The following RCSD1 variants were observed in gnomAD, a reference collection of about 807,000 sequenced individuals.
RCSD1 encodes the protein RCSD domain containing 1.
In RCSD1, 26 loss-of-function variants were observed where a neutral mutation model predicts 42.5. That is an observed-to-expected ratio of 0.61 (90% CI 0.45 to 0.85). RCSD1 has a LOEUF of 0.85. RCSD1 is among the 40% of genes least tolerant of loss of function. The probability of loss-of-function intolerance (pLI) is 0.00; values close to 1 mark genes in which losing one functional copy is unlikely to be tolerated. For missense variants in RCSD1, 571 were observed against 528.3 expected, an observed-to-expected ratio of 1.08 and a Z score of -0.79; for synonymous variants, 220 against 212.2, an observed-to-expected ratio of 1.04 and a Z score of -0.32.
At chr1:167,671,675 C>G (rs1057471902) in intron 1 of RCSD1, among the ~76,000 whole-genome samples, 1 of 152,300 alleles carries the variant, frequency 6.6e-6, no homozygotes, top group South Asian at 2.1e-4. Context: ...TCCTGAAGAC[C>G]ACTCCTGAAC....
intron 1 of RCSD1, among the ~76,000 whole-genome samples, chr1:167,669,363 A>C (rs1658747456): frequency 6.6e-6 from 1 of 152,226 alleles, no homozygotes; most frequent in African/African-American, 2.4e-5. Context: ...TGGCCTCCAC[A>C]GGACAAGCCC....
At position 167,704,766 on chromosome 1, in the gene RCSD1, TAGC is replaced by T; in HGVS notation, c.*79_*81del. The T allele has an allele frequency of 2.0e-6, 3 of 1,491,632 alleles. No individual in the cohort carries two copies. The highest frequency in any genetic ancestry group is 9.3e-7 in the Non-Finnish European group (1 of 1,072,696). 92.4% of individuals were successfully genotyped at this position (1,491,632 alleles called of 1,614,324 possible). A position where few individuals can be genotyped will look rare whatever the true frequency, so the allele number is the denominator to read the frequency against. On this transcript the variant is annotated 3_prime_UTR_variant, in exon 7 of 7. Coordinates refer to ENST00000367854, the MANE Select transcript of RCSD1 (RefSeq NM_052862.4). ...TCTTTGCAGGTAGCAGCAACAGTTG[TAGC>T]AGCAGCAGACGAAGCCATTGCAGAG...
At chr1:167,651,695 T>C (rs893597317) in intron 1 of RCSD1, among the ~76,000 whole-genome samples, 12 of 152,184 alleles carry the variant, frequency 7.9e-5, no homozygotes, top group African/African-American at 2.9e-4. Context: ...GTAATTTTGT[T>C]CCTGTTGAGC....
At chr1:167,644,888 C>T (rs1658095713) in intron 1 of RCSD1, among the ~76,000 whole-genome samples, 1 of 152,218 alleles carries the variant, frequency 6.6e-6, no homozygotes, top group African/African-American at 2.4e-5. Context: ...CTTTCCTATG[C>T]CAATAAGGGT....
intron 1 of RCSD1, among the ~76,000 whole-genome samples, chr1:167,648,826 C>T (rs1341995640): frequency 6.6e-6 from 1 of 152,150 alleles, no homozygotes; most frequent in Admixed American, 6.5e-5. Flanking sequence ...TCTAGGAAAT[C>T]CCTTGAAGTC....
At chr1:167,701,941 C>T (rs76446630) in intron 6 of RCSD1, among the ~76,000 whole-genome samples, 235 of 152,314 alleles carry the variant, frequency 1.5e-3, no homozygotes, top group African/African-American at 5.4e-3. Flanking sequence ...CCTGGATCCC[C>T]CAGAGGCAGC....
chr1:167,657,805 C>G (rs1450267195), intron 1 of RCSD1, among the ~76,000 whole-genome samples: 2 of 152,020 alleles, frequency 1.3e-5, no homozygotes, highest in Non-Finnish European at 2.9e-5. Flanking sequence ...TTGATGTTTT[C>G]CATATTATAT....
intron 1 of RCSD1, among the ~76,000 whole-genome samples, chr1:167,654,925 G>A (rs1273206202): frequency 6.6e-6 from 1 of 152,060 alleles, no homozygotes; most frequent in African/African-American, 2.4e-5. Flanking sequence ...TTACCTGATT[G>A]CCATCCCCAA....
intron 4 of RCSD1, among the ~76,000 whole-genome samples, chr1:167,690,910 C>T (rs930223017): frequency 3.3e-5 from 5 of 152,170 alleles, no homozygotes; most frequent in Non-Finnish European, 4.4e-5. Flanking sequence ...GAGCCCTCAC[C>T]TCCCGTGCCC....
intron 1 of RCSD1, among the ~76,000 whole-genome samples, chr1:167,636,310 C>T (rs935338890): frequency 6.6e-6 from 1 of 152,178 alleles, no homozygotes; most frequent in Non-Finnish European, 1.5e-5. Flanking sequence ...GCCATTAGAG[C>T]CTATCCTTAA....
intron 1 of RCSD1, among the ~76,000 whole-genome samples, chr1:167,671,127 C>A (rs1055149444): frequency 6.6e-6 from 1 of 152,176 alleles, no homozygotes; most frequent in Non-Finnish European, 1.5e-5. Flanking sequence ...GAATCCCTAG[C>A]GCCTGGCCTA....
chr1:167,686,027 T>G (rs563993644), intron 3 of RCSD1, among the ~76,000 whole-genome samples: 30 of 152,312 alleles, frequency 2.0e-4, no homozygotes, highest in African/African-American at 7.2e-4. Context: ...CTCGTTGCCC[T>G]CAGATATAAA....
intron 1 of RCSD1, chr1:167,663,438 A>T (rs1658583410): frequency 6.6e-6 from 1 of 152,410 alleles, no homozygotes; most frequent in South Asian, 2.1e-4. Flanking sequence ...TGCAGAAGCC[A>T]CAAGCAGTCT....
rs777436415 is a variant in RCSD1 at position 167,630,442 on chromosome 1, G to C, written c.6+13G>C. 6.5e-7 allele frequency: 1 copy of C among 1,539,018 alleles called. No individual in the cohort carries two copies. The highest frequency in any genetic ancestry group is 8.8e-7 in the Non-Finnish European group (1 of 1,140,892). On this transcript the variant is annotated intron_variant, in intron 1 of 6. Transcript: ENST00000367854. The stretch of plus-strand genomic sequence containing the variant: ...GAAGGACATGGAGGTAAAGGACCCC[G>C]GAGGGAGACGCGGGGCTGAGCGGTG...
Position 167,704,896 on chromosome 1 carries a change from G to A in RCSD1, c.*200G>A. ...CCTTGCAGATGGAGACTGAATCTGA[G>A]GGCAGCAGACTTTTATCAGCTTGAG... is the stretch of plus-strand genomic sequence containing the variant. On this transcript the variant is annotated 3_prime_UTR_variant, in exon 7 of 7. Transcript: ENST00000367854. The A allele has an allele frequency of 1.8e-6, 1 of 547,084 alleles. No homozygotes were observed. Among genetic ancestry groups the A allele is most frequent in the Non-Finnish European group, 3.3e-6 (1 of 301,362 alleles). The allele number at this position is 547,084 out of a possible 1,614,324, so 33.9% of individuals were successfully genotyped here.
At chr1:167,644,019 T>C (rs778218511) in intron 1 of RCSD1, among the ~76,000 whole-genome samples, 1 of 152,110 alleles carries the variant, frequency 6.6e-6, no homozygotes, top group Non-Finnish European at 1.5e-5. Context: ...TCTGGGCTTC[T>C]GTAGGAGGCT....
intron 1 of RCSD1, among the ~76,000 whole-genome samples, chr1:167,658,481 A>G (rs1480647875): frequency 6.6e-6 from 1 of 152,170 alleles, no homozygotes; most frequent in Non-Finnish European, 1.5e-5. Flanking sequence ...ACTGGAGTGC[A>G]ATGGTGCAAT....
chr1:167,683,053 A>T (rs1659122945), intron 1 of RCSD1, among the ~76,000 whole-genome samples: 1 of 152,230 alleles, frequency 6.6e-6, no homozygotes, highest in African/African-American at 2.4e-5. Flanking sequence ...CAAATGGTAC[A>T]TGAGAATAAA....
intron 3 of RCSD1, among the ~76,000 whole-genome samples, chr1:167,688,944 T>C (rs1659306990): frequency 1.3e-5 from 2 of 151,968 alleles, no homozygotes; most frequent in South Asian, 2.1e-4. Context: ...CATTCTCACA[T>C]GTTTGTGGGG....
Sources: gnomAD v4.1 joint callset for allele counts (sites outside exome capture counted in the v4.1 genomes callset) on GRCh38, gnomAD v4.1.1 for gene constraint, MANE v1.5 for transcripts, NCBI Gene and HGNC (gene_info 2026-07-23, HGNC 2026-07-21) for gene names.